The following JAKMIP2 variants were observed in gnomAD, a reference collection of about 807,000 sequenced individuals.
JAKMIP2 encodes the protein janus kinase and microtubule-interacting protein 2.
Under a neutral mutation model 115.0 loss-of-function variants are expected in JAKMIP2, and 25 were observed. That is an observed-to-expected ratio of 0.22 (90% CI 0.16 to 0.30). JAKMIP2 has a LOEUF of 0.30. Ranked by LOEUF, JAKMIP2 falls within the 10% of genes least tolerant of loss-of-function variation. The pLI, the probability that JAKMIP2 is intolerant of heterozygous loss-of-function variation, is 1.00. For missense variants in JAKMIP2, 642 were observed against 957.6 expected, an observed-to-expected ratio of 0.67 and a Z score of 4.35; for synonymous variants, 334 against 343.6, an observed-to-expected ratio of 0.97 and a Z score of 0.31.
At position 147,590,461 on chromosome 5, in the gene JAKMIP2, C is replaced by T. The variant is rs535538617; in HGVS notation, c.*1246G>A. On this transcript the variant is annotated 3_prime_UTR_variant, in exon 22 of 22. Transcript: ENST00000616793. ...CCTTGTCAGTAACATAATGTTATTTCCATATAAAAAAGTAGAGCTATCTTG... is the reference window on the plus strand; with the variant it reads ...CCTTGTCAGTAACATAATGTTATTTTCATATAAAAAAGTAGAGCTATCTTG... 23 of 152,162 alleles carry T rather than the reference C, an allele frequency of 1.5e-4. No homozygotes were observed. The highest frequency in any genetic ancestry group is 5.3e-4 in the African/African-American group (22 of 41,526). 9.4% of individuals were successfully genotyped at this position (152,162 alleles called of 1,614,324 possible).
At chr5:147,597,206 C>T (rs377170291) in intron 21 of JAKMIP2, among the ~76,000 whole-genome samples, 4 of 152,076 alleles carry the variant, frequency 2.6e-5, no homozygotes, top group East Asian at 1.9e-4. Flanking sequence ...CTCTAAATGA[C>T]GAATATAATA....
At chr5:147,779,070 C>A (rs777797091) in intron 1 of JAKMIP2, among the ~76,000 whole-genome samples, 6 of 152,040 alleles carry the variant, frequency 3.9e-5, no homozygotes, top group African/African-American at 1.4e-4. Context: ...TAAGCTCCAA[C>A]CATGAGAAAC....
At chr5:147,702,017 T>A (rs922981589) in intron 1 of JAKMIP2, among the ~76,000 whole-genome samples, 1 of 152,186 alleles carries the variant, frequency 6.6e-6, no homozygotes, top group Admixed American at 6.5e-5. Flanking sequence ...GTCCATATGA[T>A]TTTAGTAGAG....
chr5:147,640,256 G>A (rs1757819611), intron 9 of JAKMIP2, among the ~76,000 whole-genome samples: 2 of 152,042 alleles, frequency 1.3e-5, no homozygotes, highest in African/African-American at 4.8e-5. Flanking sequence ...ATGCAGACTG[G>A]GGTGTTTCAC....
At chr5:147,668,728 A>T (rs1354750672) in intron 2 of JAKMIP2, among the ~76,000 whole-genome samples, 1 of 152,162 alleles carries the variant, frequency 6.6e-6, no homozygotes, top group Admixed American at 6.5e-5. Flanking sequence ...ACTCACACAT[A>T]CACCCTTGTG....
chr5:147,738,821 C>T (rs1297818204), intron 1 of JAKMIP2, among the ~76,000 whole-genome samples: 1 of 152,144 alleles, frequency 6.6e-6, no homozygotes, highest in Non-Finnish European at 1.5e-5. Flanking sequence ...CCATGATTGT[C>T]ACTAGGATTT....
chr5:147,745,960 T>C (rs556456650), intron 1 of JAKMIP2, among the ~76,000 whole-genome samples: 1 of 152,310 alleles, frequency 6.6e-6, no homozygotes, highest in African/African-American at 2.4e-5. Context: ...CAATATTATA[T>C]ATAATTACAC....
Position 147,636,992 on chromosome 5 carries a change from C to T in JAKMIP2, c.1587G>A (p.Leu529=), listed in dbSNP as rs2126704270. Residue 529 remains leucine (L), a synonymous_variant, in exon 11 of 22, where the codon CTG becomes CTA. Transcript: ENST00000616793. ...VLRYKAKIED[L]EATLAQKGQD... ...GCCCTTTCTGAGCCAGAGTCGCTTCCAGGTCTTCAATTTTGGCTTTATACC... is the reference window on the plus strand; with the variant it reads ...GCCCTTTCTGAGCCAGAGTCGCTTCTAGGTCTTCAATTTTGGCTTTATACC... The T allele has an allele frequency of 1.1e-6, 1 of 872,910 alleles. No homozygotes were observed. The highest frequency in any genetic ancestry group is 2.0e-6 in the Non-Finnish European group (1 of 501,658). 54.1% of individuals were successfully genotyped at this position (872,910 alleles called of 1,614,324 possible).
At chr5:147,638,699 C>T (rs752332340) in intron 10 of JAKMIP2, among the ~76,000 whole-genome samples, 10 of 151,724 alleles carry the variant, frequency 6.6e-5, no homozygotes, top group Non-Finnish European at 1.2e-4. Context: ...TGGGTGGTCT[C>T]GGTGGTCATG....
At chr5:147,756,839 G>A (rs1754761707) in intron 1 of JAKMIP2, among the ~76,000 whole-genome samples, 1 of 152,134 alleles carries the variant, frequency 6.6e-6, no homozygotes, top group African/African-American at 2.4e-5. Context: ...CAGAAGTGCA[G>A]AGTAGGGAGG....
chr5:147,688,955 G>C (rs1220331810), intron 1 of JAKMIP2, among the ~76,000 whole-genome samples: 1 of 152,182 alleles, frequency 6.6e-6, no homozygotes, highest in African/African-American at 2.4e-5. Context: ...TAAATATACT[G>C]TGCTAGATTA....
chr5:147,705,035 C>T (rs1016549132), intron 1 of JAKMIP2, among the ~76,000 whole-genome samples: 2 of 152,190 alleles, frequency 1.3e-5, no homozygotes, highest in Non-Finnish European at 2.9e-5. Flanking sequence ...ATTCAGGATA[C>T]ATGAGTGAAA....
chr5:147,643,734 G>A (rs1220431379), intron 7 of JAKMIP2, among the ~76,000 whole-genome samples: 1 of 152,096 alleles, frequency 6.6e-6, no homozygotes, highest in Admixed American at 6.6e-5. Context: ...TCTGAGCCTC[G>A]GGATCCTGCT....
At chr5:147,779,251 G>A (rs1284884045) in intron 1 of JAKMIP2, among the ~76,000 whole-genome samples, 1 of 151,522 alleles carries the variant, frequency 6.6e-6, no homozygotes, top group African/African-American at 2.4e-5. Context: ...ATTAATTAGT[G>A]TGTCTTAATT....
chr5:147,601,884 G>C, intron 20 of JAKMIP2, 73 bp from the exon 21 acceptor site: 1 of 690,466 alleles, frequency 1.4e-6, no homozygotes, highest in Non-Finnish European at 2.5e-6. Context: ...CAAAACCTCA[G>C]CTTTTCCATA....
rs959249423 is a variant in JAKMIP2 at position 147,617,892 on chromosome 5, G to A, written c.2346+19C>T. 6.9e-6 allele frequency: 11 copies of A among 1,604,764 alleles called. No individual in the cohort carries two copies. Among genetic ancestry groups the A allele is most frequent in the East Asian group, 2.2e-5 (1 of 44,832 alleles). The stretch of plus-strand genomic sequence containing the variant: ...TTGCTAGTACTAACCCTACGCAGAG[G>A]CAGTGACTCAGTCCTCACCTGATGG... On this transcript the variant is annotated intron_variant, in intron 19 of 21. Transcript: ENST00000616793.
At chr5:147,693,843 G>T (rs1194906898) in intron 1 of JAKMIP2, among the ~76,000 whole-genome samples, 1 of 152,052 alleles carries the variant, frequency 6.6e-6, no homozygotes, top group Non-Finnish European at 1.5e-5. Context: ...AATTAATTTG[G>T]GGGTTATACT....
chr5:147,731,171 AG>A (rs1753718820), intron 1 of JAKMIP2, among the ~76,000 whole-genome samples: 1 of 152,182 alleles, frequency 6.6e-6, no homozygotes, highest in Admixed American at 6.5e-5. Flanking sequence ...TGGATGGACA[AG>A]GGGAGAGATT....
intron 16 of JAKMIP2, among the ~76,000 whole-genome samples, chr5:147,627,810 T>A (rs192139549): frequency 5.4e-4 from 82 of 152,214 alleles, no homozygotes; most frequent in Non-Finnish European, 1.3e-4. Flanking sequence ...ATGTCCTTTT[T>A]AAAAAACACC....
Sources: allele counts gnomAD v4.1 joint callset (sites outside exome capture counted in the v4.1 genomes callset), GRCh38; gene constraint gnomAD v4.1.1; transcripts MANE v1.5; gene names NCBI Gene and HGNC (gene_info 2026-07-23, HGNC 2026-07-21).